The following KCNJ15 variants were observed in gnomAD, a reference collection of about 807,000 sequenced individuals.
KCNJ15 encodes ATP-sensitive inward rectifier potassium channel 15.
KCNJ15 carries 14 observed loss-of-function variants against 23.0 expected under a neutral mutation model. The ratio of observed to expected loss-of-function variants is 0.61; its 90% CI spans 0.40 to 0.95. The LOEUF (loss-of-function observed/expected upper bound fraction) is 0.95, where lower values mean the gene tolerates loss of function less well. Ranked by LOEUF, KCNJ15 falls within the 40% of genes least tolerant of loss-of-function variation. KCNJ15 has a pLI of 0.00. For synonymous variants in KCNJ15, 185 were observed against 183.2 expected (o/e 1.01, Z -0.08); for missense variants, 388 against 461.8 (o/e 0.84, Z 1.46).
intron 1 of KCNJ15, among the ~76,000 whole-genome samples, chr21:38,235,794 T>A (rs535698750): frequency 1.3e-5 from 2 of 152,338 alleles, no homozygotes; most frequent in Admixed American, 1.3e-4. Flanking sequence ...AGATACTGAG[T>A]ACTTAAAGTT....
chr21:38,288,027 TTTG>T lies in KCNJ15; in HGVS notation c.-116-8896_-116-8894del, dbSNP rs1432949266. On this transcript the variant is annotated intron_variant, in intron 1 of 2. Transcript: ENST00000398938. ...CATTGTTAAATAACTTGTTTTTTTC[TTTG>T]TTTTTTTTTTTTTTTTTTTTTTTTT... Among the ~76,000 whole-genome samples, 577 of 70,208 alleles carry T rather than the reference TTTG, an allele frequency of 8.2e-3. 150 individuals carry two copies. The highest frequency in any genetic ancestry group is 0.021 in the African/African-American group (469 of 21,944). 46.1% of individuals were successfully genotyped at this position (70,208 alleles called of 152,430 possible). A position where few individuals can be genotyped will look rare whatever the true frequency, so the allele number is the denominator to read the frequency against.
At chr21:38,282,962 A>T (rs1050778908) in intron 1 of KCNJ15, among the ~76,000 whole-genome samples, 1 of 152,184 alleles carries the variant, frequency 6.6e-6, no homozygotes, top group Non-Finnish European at 1.5e-5. Context: ...TTTACCAGGC[A>T]TAGAGCAAAG....
At chr21:38,238,247 G>A (rs541341910) in intron 1 of KCNJ15, 38 of 623,590 alleles carry the variant, frequency 6.1e-5, no homozygotes, top group African/African-American at 4.9e-4. Flanking sequence ...AGCAGTTTTC[G>A]TAATTCACAG....
intron 1 of KCNJ15, among the ~76,000 whole-genome samples, chr21:38,245,804 C>A (rs1404651669): frequency 1.3e-5 from 2 of 152,138 alleles, no homozygotes; most frequent in Non-Finnish European, 2.9e-5. Flanking sequence ...GACACATGTT[C>A]ATTTTTGGCC....
intron 1 of KCNJ15, among the ~76,000 whole-genome samples, chr21:38,274,794 T>C (rs899850791): frequency 3.3e-5 from 5 of 152,232 alleles, no homozygotes; most frequent in Admixed American, 6.5e-5. Flanking sequence ...GGCTGGCCTT[T>C]CTCCAGTTCT....
chr21:38,242,298 T>C (rs1175013664), intron 1 of KCNJ15, among the ~76,000 whole-genome samples: 1 of 152,110 alleles, frequency 6.6e-6, no homozygotes, highest in East Asian at 1.9e-4. Context: ...TTGAAGTTGA[T>C]CCTAAATGCA....
chr21:38,256,761 C>A (rs1048898435), upstream of KCNJ15: 5 of 152,154 alleles, frequency 3.3e-5, no homozygotes, highest in African/African-American at 1.2e-4. Context: ...AGAGCCCGGA[C>A]TGGATGCCCA....
chr21:38,303,600 CAG>C lies in KCNJ15; in HGVS notation c.*3214_*3215del, dbSNP rs1479403810. 2 of 151,916 alleles carry C rather than the reference CAG, an allele frequency of 1.3e-5. No homozygotes were observed. The highest frequency in any genetic ancestry group is 1.9e-4 in the East Asian group (1 of 5,148). The allele number at this position is 151,916 out of a possible 1,614,324, so 9.4% of individuals were successfully genotyped here. Reference sequence around the variant, plus strand: ...ATCCTGGGGAAATTACAACACAACGCAGAGTGTCCAGAAATCTAAAGAGCTGG... The same window carrying C: ...ATCCTGGGGAAATTACAACACAACGCAGTGTCCAGAAATCTAAAGAGCTGG... On this transcript the variant is annotated 3_prime_UTR_variant, in exon 3 of 3. Coordinates refer to ENST00000398938, the MANE Select transcript of KCNJ15 (RefSeq NM_170736.3).
intron 1 of KCNJ15, among the ~76,000 whole-genome samples, chr21:38,239,607 C>T (rs961930369): frequency 6.6e-6 from 1 of 152,116 alleles, no homozygotes; most frequent in African/African-American, 2.4e-5. Flanking sequence ...AAATAATATA[C>T]AGAGAACAAG....
upstream of KCNJ15, among the ~76,000 whole-genome samples, chr21:38,256,379 T>TATATAA (rs1555882103): frequency 5.1e-5 from 6 of 118,096 alleles, no homozygotes; most frequent in African/African-American, 3.6e-4. Context: ...TATATATATA[T>TATATAA]AATATTTATC....
chr21:38,255,997 C>G (rs914370817), upstream of KCNJ15, among the ~76,000 whole-genome samples: 2 of 152,112 alleles, frequency 1.3e-5, no homozygotes, highest in African/African-American at 4.8e-5. Flanking sequence ...GTGTAGAGGG[C>G]TCTCTCTAGG....
intron 1 of KCNJ15, among the ~76,000 whole-genome samples, chr21:38,230,101 T>A (rs1988690902): frequency 6.6e-6 from 1 of 152,192 alleles, no homozygotes; most frequent in South Asian, 2.1e-4. Context: ...TTTAATATTT[T>A]GAGAAATTGC....
At chr21:38,277,012 G>C (rs1601201108) in intron 1 of KCNJ15, among the ~76,000 whole-genome samples, 1 of 135,142 alleles carries the variant, frequency 7.4e-6, no homozygotes, top group Non-Finnish European at 1.6e-5. Context: ...GTCTGAGAGT[G>C]TTTAGATTAA....
chr21:38,275,645 T>C (rs2123661804), intron 1 of KCNJ15, among the ~76,000 whole-genome samples: 1 of 152,220 alleles, frequency 6.6e-6, no homozygotes, highest in Middle Eastern at 3.4e-3. Flanking sequence ...CACCAAAATA[T>C]TCTGATTTTA....
chr21:38,281,370 C>T (rs1983323881), intron 1 of KCNJ15, among the ~76,000 whole-genome samples: 1 of 151,818 alleles, frequency 6.6e-6, no homozygotes, highest in Non-Finnish European at 1.5e-5. Context: ...GTGTATAAAT[C>T]CTGTCGTGCA....
At chr21:38,245,587 G>A (rs779320877) in intron 1 of KCNJ15, among the ~76,000 whole-genome samples, 5 of 148,660 alleles carry the variant, frequency 3.4e-5, no homozygotes, top group Admixed American at 2.1e-4. Context: ...GAAAGAAAGA[G>A]AGAGAGAGAA....
chr21:38,238,933 T>C (rs2123549612), intron 1 of KCNJ15, among the ~76,000 whole-genome samples: 1 of 152,334 alleles, frequency 6.6e-6, no homozygotes, highest in African/African-American at 2.4e-5. Context: ...AAAATAATTC[T>C]GCAGTTGAAA....
At chr21:38,245,715 AAGAG>A (rs74265586) in intron 1 of KCNJ15, among the ~76,000 whole-genome samples, 3,170 of 152,010 alleles carry the variant, frequency 0.021, 44 homozygotes, top group Non-Finnish European at 0.031. Flanking sequence ...GAAAGAAAGA[AAGAG>A]AGAGAAAGAG....
intron 1 of KCNJ15, among the ~76,000 whole-genome samples, chr21:38,289,965 C>A (rs1461077771): frequency 6.6e-6 from 1 of 152,162 alleles, no homozygotes; most frequent in Non-Finnish European, 1.5e-5. Context: ...CAGGAAATTT[C>A]CATTTGCCCT....
Sources: gnomAD v4.1 joint callset for allele counts (sites outside exome capture counted in the v4.1 genomes callset) on GRCh38, gnomAD v4.1.1 for gene constraint, MANE v1.5 for transcripts, NCBI Gene and HGNC (gene_info 2026-07-23, HGNC 2026-07-21) for gene names.